NELL2: variants seen among roughly 807,000 people sequenced by gnomAD.
NELL2 encodes the protein protein kinase C-binding protein NELL2.
In NELL2, 41 loss-of-function variants were observed where a neutral mutation model predicts 109.6. That is an observed-to-expected ratio of 0.37 (90% CI 0.29 to 0.49). The LOEUF (loss-of-function observed/expected upper bound fraction) is 0.49, where lower values mean the gene tolerates loss of function less well. Among genes scored for constraint, NELL2 ranks in the 20% least tolerant of loss-of-function variants. The pLI is 0.98. For missense variants in NELL2, 900 were observed against 1,008.3 expected (o/e 0.89, Z 1.45); for synonymous variants, 355 against 344.7 (o/e 1.03, Z -0.33).
chr12:44,823,425 A>G (rs1263518166), intron 2 of NELL2, among the ~76,000 whole-genome samples: 1 of 152,056 alleles, frequency 6.6e-6, no homozygotes, highest in Non-Finnish European at 1.5e-5. Context: ...AGCAATCACC[A>G]TTTTACTCTC....
chr12:44,631,988 G>A (rs555850926), intron 13 of NELL2, among the ~76,000 whole-genome samples: 3 of 152,168 alleles, frequency 2.0e-5, no homozygotes, highest in East Asian at 3.9e-4. Context: ...TCTAAGTGGA[G>A]TTTATCCCAG....
intron 9 of NELL2, among the ~76,000 whole-genome samples, chr12:44,722,821 C>G (rs1938852844): frequency 6.6e-6 from 1 of 152,084 alleles, no homozygotes; most frequent in South Asian, 2.1e-4. Context: ...CTTGGTTTTA[C>G]CTATACTCCC....
chr12:44,558,516 A>C (rs1168202181), intron 15 of NELL2, among the ~76,000 whole-genome samples: 1 of 152,140 alleles, frequency 6.6e-6, no homozygotes, highest in African/African-American at 2.4e-5. Flanking sequence ...GGGCGAGCCA[A>C]AGCCAGGGCT....
Position 44,832,608 on chromosome 12 carries a change from C to A in NELL2, c.185-16472G>T, listed in dbSNP as rs76889330. Among the ~76,000 whole-genome samples the A allele has an allele frequency of 7.6e-3, 1,161 of 152,282 alleles. 16 individuals carry two copies. Among genetic ancestry groups the A allele is most frequent in the African/African-American group, 0.026 (1,086 of 41,564 alleles). On this transcript the variant is annotated intron_variant, in intron 2 of 19. Transcript: ENST00000429094. Reference sequence around the variant, plus strand: ...CATAACAAAGAGCATATTGTCTGCCCAAGTAACTAAGTAAAAGTTACAGAT... The same window carrying A: ...CATAACAAAGAGCATATTGTCTGCCAAAGTAACTAAGTAAAAGTTACAGAT...
intron 11 of NELL2, among the ~76,000 whole-genome samples, chr12:44,707,284 G>A (rs1440570841): frequency 6.6e-6 from 1 of 152,112 alleles, no homozygotes; most frequent in African/African-American, 2.4e-5. Context: ...ACTCAATTCT[G>A]GGGGTTTTAT....
At chr12:44,709,021 T>C (rs1045161373) in intron 11 of NELL2, among the ~76,000 whole-genome samples, 2 of 152,206 alleles carry the variant, frequency 1.3e-5, no homozygotes, top group African/African-American at 2.4e-5. Context: ...TTTCTCTTGA[T>C]ATCTTAAAGG....
chr12:44,512,411 C>G (rs1341872018), intron 19 of NELL2, among the ~76,000 whole-genome samples: 1 of 151,830 alleles, frequency 6.6e-6, no homozygotes, highest in Non-Finnish European at 1.5e-5. Flanking sequence ...TTATAAAAAA[C>G]AGTATGAAAG....
At chr12:44,673,872 C>T (rs1387035482) in intron 12 of NELL2, among the ~76,000 whole-genome samples, 1 of 152,042 alleles carries the variant, frequency 6.6e-6, no homozygotes, top group African/African-American at 2.4e-5. Context: ...TACTATAGTT[C>T]TTCCTAGTTG....
At chr12:44,656,285 G>A (rs1947496921) in intron 13 of NELL2, among the ~76,000 whole-genome samples, 1 of 151,654 alleles carries the variant, frequency 6.6e-6, no homozygotes, top group South Asian at 2.1e-4. Context: ...TCCAAAGGCA[G>A]GAATTTTCCA....
chr12:44,779,549 T>G, intron 5 of NELL2, 114 bp downstream of exon 5: 1 of 807,162 alleles, frequency 1.2e-6, no homozygotes, highest in Non-Finnish European at 1.9e-6. Flanking sequence ...AGACACAAAT[T>G]TTCTAATTTA....
chr12:44,700,613 C>A (rs1019650163), intron 12 of NELL2, among the ~76,000 whole-genome samples: 1 of 152,064 alleles, frequency 6.6e-6, no homozygotes, highest in African/African-American at 2.4e-5. Context: ...CTGACTTTTA[C>A]TTACCCTTCA....
chr12:44,678,289 T>C (rs562901495), intron 12 of NELL2, among the ~76,000 whole-genome samples: 2 of 152,198 alleles, frequency 1.3e-5, no homozygotes, highest in Non-Finnish European at 2.9e-5. Flanking sequence ...ATTTTCAGTG[T>C]CCTTAGAAAC....
At chr12:44,663,846 C>A (rs991966157) in intron 13 of NELL2, among the ~76,000 whole-genome samples, 2 of 152,134 alleles carry the variant, frequency 1.3e-5, no homozygotes, top group African/African-American at 4.8e-5. Context: ...CAAATTATGT[C>A]CCATGTCCTT....
chr12:44,616,036 T>A (rs1056170029), intron 13 of NELL2, among the ~76,000 whole-genome samples: 1 of 152,070 alleles, frequency 6.6e-6, no homozygotes, highest in Admixed American at 6.5e-5. Flanking sequence ...ACCTCCAATG[T>A]CTGAGAGTCT....
chr12:44,866,033 A>G (rs951494135), intron 2 of NELL2, among the ~76,000 whole-genome samples: 14 of 152,142 alleles, frequency 9.2e-5, no homozygotes, highest in Admixed American at 6.6e-4. Context: ...TAATGGTCTC[A>G]TGAAAGAGAC....
chr12:44,876,164 C>A lies in NELL2; in HGVS notation c.-295G>T. The stretch of plus-strand genomic sequence containing the variant: ...GGTCGGACTCGCCCCGGCGCGGCTC[C>A]GTCGGGGAATTAGCTCCCGAGCCGA... On this transcript the variant is annotated 5_prime_UTR_variant, in exon 1 of 20. Transcript: ENST00000429094. 1.6e-6 allele frequency: 2 copies of A among 1,254,350 alleles called. No individual in the cohort carries two copies. The highest frequency in any genetic ancestry group is 2.3e-5 in the South Asian group (1 of 44,278). The allele number at this position is 1,254,350 out of a possible 1,614,324, so 77.7% of individuals were successfully genotyped here.
At chr12:44,614,507 T>G (rs1945747957) in intron 13 of NELL2, among the ~76,000 whole-genome samples, 1 of 152,026 alleles carries the variant, frequency 6.6e-6, no homozygotes, top group South Asian at 2.1e-4. Context: ...CCTGATTTCA[T>G]ACTAGTGATG....
intron 15 of NELL2, among the ~76,000 whole-genome samples, chr12:44,590,396 T>A (rs1380757733): frequency 6.6e-6 from 1 of 152,168 alleles, no homozygotes; most frequent in African/African-American, 2.4e-5. Context: ...TATATAGTTT[T>A]CAAAATGCAG....
rs187143599 is a variant in NELL2 at position 44,811,426 on chromosome 12, T to C, written c.335+4560A>G. On this transcript the variant is annotated intron_variant, in intron 3 of 19. Transcript: ENST00000429094. ...ATTTTTTAAATACATTGGAAACTGA[T>C]GTAGGAAGAAATTAATGTAAACTGG... 4.3e-4 allele frequency among the ~76,000 whole-genome samples: 65 copies of C among 150,992 alleles called. 2 individuals are homozygous for C. Among genetic ancestry groups the C allele is most frequent in the Admixed American group, 4.3e-3 (65 of 15,130 alleles).
Sources: allele counts gnomAD v4.1 joint callset (sites outside exome capture counted in the v4.1 genomes callset), GRCh38; gene constraint gnomAD v4.1.1; transcripts MANE v1.5; gene names NCBI Gene and HGNC (gene_info 2026-07-23, HGNC 2026-07-21).